The following FIP1L1 variants were observed in gnomAD, a reference collection of about 807,000 sequenced individuals.
FIP1L1 encodes the protein factor interacting with PAPOLA and CPSF1.
FIP1L1 carries 21 observed loss-of-function variants against 84.6 expected under a neutral mutation model. The observed-to-expected ratio is 0.25, with a 90% CI of 0.18 to 0.36. FIP1L1 has a LOEUF of 0.36. FIP1L1 is among the 10% of genes least tolerant of loss of function. The pLI, the probability that FIP1L1 is intolerant of heterozygous loss-of-function variation, is 1.00. For synonymous variants in FIP1L1, 263 were observed against 242.3 expected (o/e 1.09, Z -0.80); for missense variants, 526 against 751.1 (o/e 0.70, Z 3.50).
At position 53,460,764 on chromosome 4, in the gene FIP1L1, G is replaced by T; in HGVS notation, c.*1315G>T. Reference sequence around the variant, plus strand: ...AATCATATTTTCTGAGGTGTAACTGGCTTTCATTAGATGATCATACTTTTC... The same window carrying T: ...AATCATATTTTCTGAGGTGTAACTGTCTTTCATTAGATGATCATACTTTTC... On this transcript the variant is annotated 3_prime_UTR_variant, in exon 18 of 18. Coordinates refer to ENST00000337488, the MANE Select transcript of FIP1L1 (RefSeq NM_030917.4). The T allele has an allele frequency of 1.2e-6, 1 of 821,484 alleles. No individual in the cohort carries two copies. The highest frequency in any genetic ancestry group is 1.9e-6 in the Non-Finnish European group (1 of 536,432). 50.9% of individuals were successfully genotyped at this position (821,484 alleles called of 1,614,324 possible). A position where few individuals can be genotyped will look rare whatever the true frequency, so the allele number is the denominator to read the frequency against.
rs554133220 is a variant in FIP1L1 at position 53,446,554 on chromosome 4, TA to T, written c.1285+2453del. The stretch of plus-strand genomic sequence containing the variant: ...ATCTCATGTTAGTAGCTTTGAATAA[TA>T]ACCTACATCGTTTTTTTCATCTGTA... On this transcript the variant is annotated intron_variant, in intron 15 of 17. Transcript: ENST00000337488. 5.3e-3 allele frequency among the ~76,000 whole-genome samples: 812 copies of T among 152,322 alleles called. 11 individuals carry two copies. Among genetic ancestry groups the T allele is most frequent in the African/African-American group, 0.019 (770 of 41,576 alleles).
intron 4 of FIP1L1, among the ~76,000 whole-genome samples, chr4:53,382,563 T>G (rs1318174950): frequency 1.3e-5 from 2 of 152,238 alleles, no homozygotes; most frequent in Non-Finnish European, 2.9e-5. Context: ...GTGCAAAGGC[T>G]TGATGTTTAT....
chr4:53,407,005 T>C (rs1370034336), intron 10 of FIP1L1, among the ~76,000 whole-genome samples: 4 of 152,198 alleles, frequency 2.6e-5, no homozygotes, highest in Admixed American at 6.5e-5. Flanking sequence ...GTGTCTCTAT[T>C]TTCTTCAGTT....
chr4:53,403,266 T>C (rs966440406), intron 10 of FIP1L1, among the ~76,000 whole-genome samples: 5 of 152,186 alleles, frequency 3.3e-5, no homozygotes, highest in Non-Finnish European at 7.4e-5. Context: ...TGTACAGTAC[T>C]ACTTTCTTAT....
chr4:53,440,633 C>A, intron 13 of FIP1L1: 2 of 1,469,796 alleles, frequency 1.4e-6, no homozygotes, highest in Non-Finnish European at 1.9e-6. Context: ...ATGTTTTCTC[C>A]ATCATTGTTA....
intron 13 of FIP1L1, among the ~76,000 whole-genome samples, chr4:53,432,661 G>A (rs1767304813): frequency 6.6e-6 from 1 of 152,050 alleles, no homozygotes; most frequent in African/African-American, 2.4e-5. Context: ...TTTGATTCTT[G>A]AACAATATCT....
rs1322269287 is a variant in FIP1L1, at chr4:53,460,784, C to CTT, written c.*1338_*1339dup. ...AACTGGCTTTCATTAGATGATCATA[C>CTT]TTTTCCTGACATTTTTACAATGTAT... On this transcript the variant is annotated 3_prime_UTR_variant, in exon 18 of 18. Transcript: ENST00000337488. The CTT allele has an allele frequency of 4.8e-6, 5 of 1,040,100 alleles. No individual in the cohort carries two copies. The highest frequency in any genetic ancestry group is 6.9e-6 in the Non-Finnish European group (5 of 720,540). The allele number at this position is 1,040,100 out of a possible 1,614,324, so 64.4% of individuals were successfully genotyped here.
At chr4:53,378,811 T>C in intron 1 of FIP1L1, 1 of 472,580 alleles carries the variant, frequency 2.1e-6, no homozygotes, top group East Asian at 3.6e-5. Context: ...ATAGTAAAAG[T>C]GCACTTTGGG....
At chr4:53,383,686 A>C in intron 4 of FIP1L1, 87 bp from the exon 5 acceptor site, 2 of 1,313,840 alleles carry the variant, frequency 1.5e-6, no homozygotes, top group East Asian at 2.6e-5. Context: ...AAAAAAAAAA[A>C]CAGGGTGGTT....
chr4:53,459,225 C>T, intron 17 of FIP1L1, 77 bp from the exon 18 acceptor site: 2 of 1,015,738 alleles, frequency 2.0e-6, no homozygotes, highest in Non-Finnish European at 1.4e-6. Context: ...TTGAGAATTT[C>T]CTTAGAGTGA....
At chr4:53,410,006 G>A (rs925584811) in intron 10 of FIP1L1, among the ~76,000 whole-genome samples, 16 of 152,174 alleles carry the variant, frequency 1.1e-4, no homozygotes, top group African/African-American at 2.2e-4. Flanking sequence ...ACTGTCCTGC[G>A]CCCACTGTCT....
intron 12 of FIP1L1, 46 bp downstream of exon 12, chr4:53,426,011 A>G: frequency 7.8e-7 from 1 of 1,287,418 alleles, no homozygotes; most frequent in Non-Finnish European, 1.1e-6. Context: ...GAAGGATGAT[A>G]TCAACATTAT....
intron 13 of FIP1L1, among the ~76,000 whole-genome samples, chr4:53,438,107 A>G (rs1329779796): frequency 2.0e-5 from 3 of 152,202 alleles, no homozygotes; most frequent in Non-Finnish European, 2.9e-5. Flanking sequence ...GGCTGGCACT[A>G]GAAATCTACT....
intron 5 of FIP1L1, among the ~76,000 whole-genome samples, chr4:53,388,637 C>A (rs1742473476): frequency 6.6e-6 from 1 of 152,206 alleles, no homozygotes; most frequent in South Asian, 2.1e-4. Flanking sequence ...GCCCGGCCGT[C>A]TTACTGATAT....
chr4:53,378,999 C>T, intron 1 of FIP1L1, 74 bp from the exon 2 acceptor site: 2 of 1,458,618 alleles, frequency 1.4e-6, no homozygotes, highest in Non-Finnish European at 1.9e-6. Context: ...GCAGTAAAGT[C>T]TGATTTTTTT....
intron 1 of FIP1L1, chr4:53,378,841 G>GATGT: frequency 1.8e-6 from 1 of 541,470 alleles, no homozygotes; most frequent in South Asian, 2.5e-5. Context: ...GGTCCTTGAT[G>GATGT]ATGTGACTTT....
intron 4 of FIP1L1, 90 bp downstream of exon 4, chr4:53,382,425 T>G (rs746921404): frequency 1.3e-5 from 13 of 981,350 alleles, no homozygotes; most frequent in Admixed American, 3.6e-5. Flanking sequence ...CATTTTACAT[T>G]ACCTTCAGTA....
At chr4:53,393,644 G>A (rs916129053) in intron 9 of FIP1L1, among the ~76,000 whole-genome samples, 4 of 152,060 alleles carry the variant, frequency 2.6e-5, no homozygotes, top group African/African-American at 9.7e-5. Context: ...TAGAGTGAAT[G>A]GCAAGAGAGA....
At chr4:53,417,659 A>G (rs1468910610) in intron 11 of FIP1L1, among the ~76,000 whole-genome samples, 1 of 150,332 alleles carries the variant, frequency 6.7e-6, no homozygotes, top group Non-Finnish European at 1.5e-5. Context: ...AAAAAAAAAA[A>G]AAAAAAAGAA....
Sources: gnomAD v4.1 joint callset for allele counts (sites outside exome capture counted in the v4.1 genomes callset) on GRCh38, gnomAD v4.1.1 for gene constraint, MANE v1.5 for transcripts, NCBI Gene and HGNC (gene_info 2026-07-23, HGNC 2026-07-21) for gene names.